Variants in CSMD1 observed in about 807,000 individuals in gnomAD.
The protein encoded by CSMD1 is CUB and sushi domain-containing protein 1.
CSMD1 carries 213 observed loss-of-function variants against 417.5 expected under a neutral mutation model. The observed-to-expected ratio is 0.51, with a 90% CI of 0.46 to 0.57. The LOEUF is 0.57. Among genes scored for constraint, CSMD1 ranks in the 20% least tolerant of loss-of-function variants. CSMD1 has a pLI of 0.00. For missense variants in CSMD1, 6,923 were observed against 4,529.7 expected (o/e 1.53, Z -15.17); for synonymous variants, 2,862 against 1,736.8 (o/e 1.65, Z -16.11).
chr8:4,565,634 C>G (rs1443771650), intron 2 of CSMD1, among the ~76,000 whole-genome samples: 1 of 151,348 alleles, frequency 6.6e-6, no homozygotes, highest in East Asian at 1.9e-4. Flanking sequence ...ACTCAGGAGG[C>G]TGAAGCAGGA....
intron 2 of CSMD1, among the ~76,000 whole-genome samples, chr8:4,486,188 T>TATATATACATAC: frequency 8.1e-5 from 1 of 12,286 alleles, no homozygotes; most frequent in South Asian, 3.0e-3. Context: ...TACATATATA[T>TATATATACATAC]ATATATATAT....
At chr8:4,762,288 G>A (rs1330793373) in intron 1 of CSMD1, among the ~76,000 whole-genome samples, 1 of 151,916 alleles carries the variant, frequency 6.6e-6, no homozygotes, top group Non-Finnish European at 1.5e-5. Flanking sequence ...GGGTAATTGG[G>A]GAGAGAGAAA....
At chr8:3,000,186 G>C (rs1807275783) in intron 52 of CSMD1, 55 bp from the exon 53 acceptor site, 1 of 1,327,206 alleles carries the variant, frequency 7.5e-7, no homozygotes, top group Admixed American at 2.3e-5. Flanking sequence ...TATAAAAGTA[G>C]TACATTCACA....
chr8:4,269,366 C>T (rs1197617870), intron 3 of CSMD1, among the ~76,000 whole-genome samples: 1 of 152,090 alleles, frequency 6.6e-6, no homozygotes, highest in Admixed American at 6.5e-5. Context: ...GTGCCTGGCT[C>T]CATTTTCATC....
intron 41 of CSMD1, among the ~76,000 whole-genome samples, chr8:3,140,145 C>G (rs1818347351): frequency 6.6e-6 from 1 of 152,138 alleles, no homozygotes; most frequent in Admixed American, 6.5e-5. Context: ...CTCAGGTGAT[C>G]AGCCCGCCTC....
At chr8:4,704,166 G>A (rs1807768392) in intron 1 of CSMD1, among the ~76,000 whole-genome samples, 1 of 152,198 alleles carries the variant, frequency 6.6e-6, no homozygotes, top group African/African-American at 2.4e-5. Context: ...TCAAGCCCCA[G>A]TCTCTATTAA....
At chr8:3,640,805 G>T (rs1302116915) in intron 7 of CSMD1, among the ~76,000 whole-genome samples, 3 of 152,080 alleles carry the variant, frequency 2.0e-5, no homozygotes, top group Non-Finnish European at 2.9e-5. Context: ...CTCACAGAGG[G>T]ATGGAAAGAC....
Position 3,788,684 on chromosome 8 carries a change from T to A in CSMD1, c.819-34642A>T, listed in dbSNP as rs73500719. ...AGACAAAAATGTAAGTACCTCTCCA[T>A]CTACAGACACAGTTATGAGTCTAAG... On this transcript the variant is annotated intron_variant, in intron 5 of 69. Transcript: ENST00000635120. 4.0e-3 allele frequency among the ~76,000 whole-genome samples: 609 copies of A among 152,298 alleles called. 6 individuals carry two copies. Among genetic ancestry groups the A allele is most frequent in the African/African-American group, 0.014 (571 of 41,558 alleles).
At chr8:4,567,172 T>C (rs1453209963) in intron 2 of CSMD1, among the ~76,000 whole-genome samples, 1 of 152,220 alleles carries the variant, frequency 6.6e-6, no homozygotes, top group Non-Finnish European at 1.5e-5. Flanking sequence ...ACAACATTAC[T>C]TTTATGGTAG....
Position 3,711,958 on chromosome 8 carries a change from C to T in CSMD1, c.932-3467G>A, listed in dbSNP as rs542810764. On this transcript the variant is annotated intron_variant, in intron 6 of 69. Coordinates refer to ENST00000635120, the MANE Select transcript of CSMD1 (RefSeq NM_033225.6). ...GAAAATTCGAGTAGTCTCTCAGGGA[C>T]GATCAAGGTATGCGAATAGACAGGA... 5.9e-5 allele frequency among the ~76,000 whole-genome samples: 9 copies of T among 152,228 alleles called. No individual in the cohort carries two copies. In the South Asian group the frequency reaches 1.7e-3, roughly 28 times the overall value.
intron 12 of CSMD1, among the ~76,000 whole-genome samples, chr8:3,428,127 T>C (rs1427579851): frequency 1.3e-5 from 2 of 152,240 alleles, no homozygotes; most frequent in African/African-American, 2.4e-5. Flanking sequence ...ATTAAATAGA[T>C]GTTAAATTAT....
At chr8:3,954,395 C>T (rs1362266860) in intron 5 of CSMD1, among the ~76,000 whole-genome samples, 3 of 152,134 alleles carry the variant, frequency 2.0e-5, no homozygotes, top group Non-Finnish European at 2.9e-5. Flanking sequence ...CGGAGTCTCG[C>T]TCTGCTGCCC....
intron 3 of CSMD1, among the ~76,000 whole-genome samples, chr8:4,412,399 G>C (rs1031241025): frequency 5.3e-5 from 8 of 152,146 alleles, no homozygotes; most frequent in African/African-American, 1.7e-4. Flanking sequence ...CATGTGTTGC[G>C]CTGGCTCCTC....
intron 5 of CSMD1, among the ~76,000 whole-genome samples, chr8:3,943,974 T>C (rs533901008): frequency 1.6e-4 from 25 of 152,290 alleles, no homozygotes; most frequent in Non-Finnish European, 3.2e-4. Context: ...GTCTGAAAAT[T>C]AGGCAATGAT....
intron 3 of CSMD1, among the ~76,000 whole-genome samples, chr8:4,109,315 A>G (rs756545630): frequency 5.3e-5 from 8 of 152,162 alleles, no homozygotes; most frequent in Middle Eastern, 6.8e-3. Context: ...TTTTTTCTAT[A>G]TTCCTCAAAG....
intron 5 of CSMD1, among the ~76,000 whole-genome samples, chr8:3,916,019 T>C (rs1392351347): frequency 1.3e-5 from 2 of 151,648 alleles, no homozygotes; most frequent in African/African-American, 4.8e-5. Flanking sequence ...TTGGAAAATG[T>C]CACTGCAGAC....
intron 5 of CSMD1, among the ~76,000 whole-genome samples, chr8:3,778,778 G>A (rs947160493): frequency 2.0e-5 from 3 of 152,182 alleles, no homozygotes; most frequent in Admixed American, 1.3e-4. Flanking sequence ...TGGGTATCAT[G>A]GAGCCTTGTT....
intron 3 of CSMD1, among the ~76,000 whole-genome samples, chr8:4,187,199 T>C (rs767053172): frequency 6.6e-6 from 1 of 152,132 alleles, no homozygotes; most frequent in African/African-American, 2.4e-5. Flanking sequence ...TGGGACATTG[T>C]TGGATTCTGT....
chr8:3,450,853 T>C (rs367625186), intron 12 of CSMD1, among the ~76,000 whole-genome samples: 3 of 151,780 alleles, frequency 2.0e-5, no homozygotes, highest in Non-Finnish European at 4.4e-5. Flanking sequence ...CTGGGTCAAA[T>C]GGTAATTCTA....
Sources: gnomAD v4.1 joint callset for allele counts (sites outside exome capture counted in the v4.1 genomes callset) on GRCh38, gnomAD v4.1.1 for gene constraint, MANE v1.5 for transcripts, NCBI Gene and HGNC (gene_info 2026-07-23, HGNC 2026-07-21) for gene names.